The following RELN variants were observed in gnomAD, a reference collection of about 807,000 sequenced individuals.
The protein encoded by RELN is reelin.
RELN carries 108 observed loss-of-function variants against 427.6 expected under a neutral mutation model. That is an observed-to-expected ratio of 0.25 (90% CI 0.22 to 0.30). The LOEUF (loss-of-function observed/expected upper bound fraction) is 0.30. Among genes scored for constraint, RELN ranks in the 10% least tolerant of loss-of-function variants. The pLI, the probability that RELN is intolerant of heterozygous loss-of-function variation, is 1.00. For synonymous variants in RELN, 1,524 were observed against 1,513.4 expected (o/e 1.01, Z -0.16); for missense variants, 3,715 against 4,302.8 (o/e 0.86, Z 3.82).
chr7:103,642,256 C>T (rs1046104697), intron 16 of RELN, among the ~76,000 whole-genome samples: 2 of 151,848 alleles, frequency 1.3e-5, no homozygotes, highest in African/African-American at 4.8e-5. Context: ...GAAGACTATA[C>T]CTAACAGAAT....
At position 103,569,016 on chromosome 7, in the gene RELN, C is replaced by A. The variant is rs1830823260; in HGVS notation, c.4589-2257G>T. On this transcript the variant is annotated intron_variant, in intron 31 of 64. Coordinates refer to ENST00000428762, the MANE Select transcript of RELN (RefSeq NM_005045.4). This position sits in a 1 kb window ranked among gnomAD's most constrained non-coding sequence, Gnocchi z 4.0. The stretch of plus-strand genomic sequence containing the variant: ...AAAAAGTGGAGCTTAATTCTTCCCC[C>A]TTTGAGTGTGGATAGTTTTAGTAAC... Among the ~76,000 whole-genome samples the A allele has an allele frequency of 6.6e-6, 1 of 152,200 alleles. No individual in the cohort carries two copies. The highest frequency in any genetic ancestry group is 2.1e-4 in the South Asian group (1 of 4,828).
intron 4 of RELN, among the ~76,000 whole-genome samples, chr7:103,757,297 C>G (rs1562994627): frequency 6.6e-6 from 1 of 152,146 alleles, no homozygotes; most frequent in African/African-American, 2.4e-5. Context: ...TGACATATCT[C>G]CAAGTCTACC....
At chr7:103,875,696 G>C (rs1794462257) in intron 2 of RELN, among the ~76,000 whole-genome samples, 1 of 151,854 alleles carries the variant, frequency 6.6e-6, no homozygotes. Flanking sequence ...TAAGACTTAG[G>C]GATTTTTTTC....
chr7:103,691,084 T>C (rs1833861800), intron 10 of RELN, among the ~76,000 whole-genome samples: 1 of 152,118 alleles, frequency 6.6e-6, no homozygotes, highest in Non-Finnish European at 1.5e-5. Flanking sequence ...TAAAAGCTGA[T>C]AGTGTTATAC....
At chr7:103,624,619 G>C (rs2117321153) in intron 20 of RELN, among the ~76,000 whole-genome samples, 1 of 152,204 alleles carries the variant, frequency 6.6e-6, no homozygotes, top group South Asian at 2.1e-4. Context: ...GTAGAGACGG[G>C]ATTTCACCAG....
intron 8 of RELN, among the ~76,000 whole-genome samples, chr7:103,703,174 C>G (rs372747123): frequency 4.6e-5 from 7 of 152,094 alleles, no homozygotes; most frequent in Non-Finnish European, 8.8e-5. Flanking sequence ...GGAGCACCCC[C>G]CAAGAGAGCG....
In RELN at chr7:103,661,489, C is replaced by A; in HGVS notation, c.1328G>T (p.Gly443Val). The change falls in exon 12 of 65, where the codon GGA (glycine) becomes GTA (valine). Residue 443 changes from glycine (G) to valine (V), a missense_variant. Physicochemically the swap from Gly to Val is moderately radical, Grantham distance 109 (BLOSUM62 -3). Transcript: ENST00000428762. Reference sequence around the variant, plus strand: ...CATTGATAAGCCTGATTCTATCGTTCCACATTCTGTACCAATGACAGCTCC... The same window carrying A: ...CATTGATAAGCCTGATTCTATCGTTACACATTCTGTACCAATGACAGCTCC... Reference protein sequence around the residue: ...VLGAVIGTECGTIESGLSMVF... With the variant: ...VLGAVIGTECVTIESGLSMVF... 5 of 1,613,704 alleles carry A rather than the reference C, an allele frequency of 3.1e-6. No homozygotes were observed. Among genetic ancestry groups the A allele is most frequent in the Non-Finnish European group, 4.2e-6 (5 of 1,179,810 alleles).
intron 5 of RELN, among the ~76,000 whole-genome samples, chr7:103,752,255 G>A (rs371696729): frequency 6.6e-6 from 1 of 152,186 alleles, no homozygotes; most frequent in Non-Finnish European, 1.5e-5. Context: ...TGGCTAGCAA[G>A]TGGTAAAAGT....
chr7:103,681,221 C>T (rs73177970), intron 11 of RELN, among the ~76,000 whole-genome samples: 19,406 of 151,950 alleles, frequency 0.13, 1,339 homozygotes, highest in Middle Eastern at 0.29. Flanking sequence ...GGACAGGGAG[C>T]GCAAAAGAGC....
intron 10 of RELN, 43 bp downstream of exon 10, chr7:103,697,810 G>A (rs201506559): frequency 6.2e-7 from 1 of 1,612,736 alleles, no homozygotes; most frequent in African/African-American, 1.3e-5. Flanking sequence ...TTAGAAAGGA[G>A]ATGAAGGATT....
chr7:103,967,522 A>G (rs576924066), intron 1 of RELN, among the ~76,000 whole-genome samples: 9 of 152,288 alleles, frequency 5.9e-5, no homozygotes, highest in Admixed American at 3.9e-4. Flanking sequence ...GCAGCTTCCC[A>G]GCTTGAAACT....
intron 16 of RELN, among the ~76,000 whole-genome samples, chr7:103,641,955 A>AAT (rs971027093): frequency 6.6e-6 from 1 of 152,130 alleles, no homozygotes. Flanking sequence ...TTCAACAATA[A>AAT]ATTAAGACAT....
At chr7:103,707,374 C>T (rs892470131) in intron 8 of RELN, among the ~76,000 whole-genome samples, 1 of 152,022 alleles carries the variant, frequency 6.6e-6, no homozygotes, top group Admixed American at 6.6e-5. Flanking sequence ...CAACATTTCC[C>T]AACTCAATTA....
intron 2 of RELN, among the ~76,000 whole-genome samples, chr7:103,834,632 C>G (rs1305681586): frequency 6.6e-6 from 1 of 151,868 alleles, no homozygotes; most frequent in African/African-American, 2.4e-5. Flanking sequence ...TAACAAATGG[C>G]CAAAAGACCT....
chr7:103,761,657 C>G (rs368729759), intron 4 of RELN, among the ~76,000 whole-genome samples: 2 of 151,856 alleles, frequency 1.3e-5, no homozygotes, highest in Admixed American at 6.6e-5. Context: ...GATCTTACCA[C>G]ATTGCCCAGG....
intron 3 of RELN, among the ~76,000 whole-genome samples, chr7:103,822,222 ATT>A (rs1793032220): frequency 6.6e-6 from 1 of 152,040 alleles, no homozygotes; most frequent in Non-Finnish European, 1.5e-5. Context: ...ATTAAAAAAT[ATT>A]GTTAATATTA....
intron 46 of RELN, among the ~76,000 whole-genome samples, chr7:103,524,172 A>G (rs2117096359): frequency 6.6e-6 from 1 of 152,290 alleles, no homozygotes; most frequent in Non-Finnish European, 1.5e-5. Flanking sequence ...TGTGGGAAGT[A>G]CCATGGAATG....
At chr7:103,746,108 T>C (rs867673189) in intron 6 of RELN, among the ~76,000 whole-genome samples, 16 of 151,984 alleles carry the variant, frequency 1.1e-4, no homozygotes, top group Non-Finnish European at 2.2e-4. Context: ...TCAGAAATAA[T>C]GCTGCATATC....
intron 3 of RELN, among the ~76,000 whole-genome samples, chr7:103,813,506 T>C (rs39336): frequency 0.2 from 29,816 of 151,014 alleles, 3,352 homozygotes; most frequent in Non-Finnish European, 0.25. Flanking sequence ...ATCTGATTAC[T>C]TTTGTCTTAT....
Sources: gnomAD v4.1 joint callset for allele counts (sites outside exome capture counted in the v4.1 genomes callset) on GRCh38, gnomAD v4.1.1 for gene constraint, Gnocchi (gnomAD v3.1) non-coding constraint, MANE v1.5 for transcripts, NCBI Gene and HGNC (gene_info 2026-07-23, HGNC 2026-07-21) for gene names.